Variants in GABRB3 observed in about 807,000 individuals in gnomAD.
GABRB3 encodes gamma-aminobutyric acid type A receptor subunit beta3.
A neutral mutation model predicts 52.1 loss-of-function variants in GABRB3; 14 were observed. That is an observed-to-expected ratio of 0.27 (90% CI 0.18 to 0.42). The LOEUF (loss-of-function observed/expected upper bound fraction) is 0.42, where lower values mean the gene tolerates loss of function less well. Among genes scored for constraint, GABRB3 ranks in the 10% least tolerant of loss-of-function variants. The probability of loss-of-function intolerance (pLI) is 1.00; values close to 1 mark genes in which losing one functional copy is unlikely to be tolerated. For synonymous variants in GABRB3, 260 were observed against 232.3 expected, an observed-to-expected ratio of 1.12 and a Z score of -1.08; for missense variants, 307 against 609.1, an observed-to-expected ratio of 0.50 and a Z score of 5.22.
chr15:26,699,176 T>G (rs1595537279), intron 3 of GABRB3, among the ~76,000 whole-genome samples: 2 of 152,246 alleles, frequency 1.3e-5, no homozygotes, highest in East Asian at 3.9e-4. Flanking sequence ...CAGTATCTGT[T>G]CCCACAGAGC....
chr15:26,691,062 C>T (rs543463605), intron 3 of GABRB3, among the ~76,000 whole-genome samples: 1 of 151,720 alleles, frequency 6.6e-6, no homozygotes, highest in South Asian at 2.1e-4. Context: ...CCCTCCTCTC[C>T]CTCCCCTTCT....
At chr15:26,640,965 G>A (rs776969940) in intron 3 of GABRB3, among the ~76,000 whole-genome samples, 7 of 152,166 alleles carry the variant, frequency 4.6e-5, no homozygotes, top group South Asian at 2.1e-4. Flanking sequence ...CTTGCTTTAC[G>A]TTCACCTTTA....
chr15:26,680,497 T>TAACAGTCAAGTTCTATTGGTGC (rs1888205837), intron 3 of GABRB3, among the ~76,000 whole-genome samples: 1 of 152,218 alleles, frequency 6.6e-6, no homozygotes, highest in Non-Finnish European at 1.5e-5. Context: ...CTTCTTGGTG[T>TAACAGTCAAGTTCTATTGGTGC]AACAGTCAAG....
intron 3 of GABRB3, chr15:26,657,055 T>G (rs1211126829): frequency 6.6e-6 from 1 of 152,220 alleles, no homozygotes; most frequent in Non-Finnish European, 1.5e-5. Flanking sequence ...GTCTTTATTA[T>G]GTTCTTAACC....
rs191112614 is a variant in GABRB3, at chr15:26,642,346, T to C, written c.241-20812A>G. 411 of 441,258 alleles carry C rather than the reference T, an allele frequency of 9.3e-4. 1 individual carries two copies. The highest frequency in any genetic ancestry group is 7.6e-3 in the African/African-American group (369 of 48,582). The allele number at this position is 441,258 out of a possible 1,614,324, so 27.3% of individuals were successfully genotyped here. On this transcript the variant is annotated intron_variant, in intron 3 of 8. Transcript: ENST00000311550. ...TATGGGACTTGAATATGTGTGGATT[T>C]TGGTGTACTTGGAGGTATGGGGGTG... is the stretch of plus-strand genomic sequence containing the variant.
intron 3 of GABRB3, among the ~76,000 whole-genome samples, chr15:26,768,973 A>G (rs547547254): frequency 5.3e-5 from 8 of 152,328 alleles, no homozygotes; most frequent in Non-Finnish European, 1.2e-4. Context: ...GAATGATGAG[A>G]TATGCATTTA....
At chr15:26,665,502 A>G (rs1887682500) in intron 3 of GABRB3, among the ~76,000 whole-genome samples, 1 of 152,274 alleles carries the variant, frequency 6.6e-6, no homozygotes, top group Non-Finnish European at 1.5e-5. Context: ...CAGTAATAAT[A>G]GCAAATTAAC....
intron 3 of GABRB3, among the ~76,000 whole-genome samples, chr15:26,670,823 TTCCAAAGACC>T (rs1463121250): frequency 2.0e-5 from 3 of 152,258 alleles, no homozygotes; most frequent in African/African-American, 4.8e-5. Context: ...CCCTTGCCTT[TTCCAAAGACC>T]ATTCATAGCT....
At chr15:26,718,156 C>T (rs571017106) in intron 3 of GABRB3, among the ~76,000 whole-genome samples, 10 of 152,314 alleles carry the variant, frequency 6.6e-5, no homozygotes, top group African/African-American at 2.2e-4. Flanking sequence ...AGTCAAAGGC[C>T]AGAATTGGCA....
At chr15:26,704,217 C>G (rs934687712) in intron 3 of GABRB3, among the ~76,000 whole-genome samples, 10 of 152,222 alleles carry the variant, frequency 6.6e-5, no homozygotes, top group Non-Finnish European at 1.0e-4. Flanking sequence ...CCTGCTTCAG[C>G]AACAGCCAGG....
chr15:26,754,996 C>A lies in GABRB3; in HGVS notation c.240+17406G>T, dbSNP rs1053070662. ...AACTCCAGATAAAAATGGTTAGAGC[C>A]TCTAACAACTTTTTTTTTTTTTTTT... On this transcript the variant is annotated intron_variant, in intron 3 of 8. Transcript: ENST00000311550. Among the ~76,000 whole-genome samples, 6 of 141,864 alleles carry A rather than the reference C, an allele frequency of 4.2e-5. No individual in the cohort carries two copies. In the East Asian group the frequency reaches 1.3e-3, roughly 31 times the overall value. The allele number at this position is 141,864 out of a possible 152,430, so 93.1% of individuals were successfully genotyped here. A position where few individuals can be genotyped will look rare whatever the true frequency, so the allele number is the denominator to read the frequency against.
chr15:26,773,225 T>G, upstream of GABRB3: 1 of 172,716 alleles, frequency 5.8e-6, no homozygotes, highest in East Asian at 1.8e-4. Context: ...CACCCTGCCC[T>G]CCCCCACGCT....
chr15:26,591,934 T>C (rs1319576562), intron 4 of GABRB3, among the ~76,000 whole-genome samples: 3 of 151,978 alleles, frequency 2.0e-5, no homozygotes, highest in Admixed American at 2.0e-4. Flanking sequence ...GGCTGGTAGC[T>C]ACTGTACTAT....
intron 6 of GABRB3, among the ~76,000 whole-genome samples, chr15:26,578,521 C>T (rs538019827): frequency 6.6e-6 from 1 of 152,316 alleles, no homozygotes; most frequent in South Asian, 2.1e-4. Context: ...GGGGATTGCA[C>T]CTGGAGGAAG....
intron 3 of GABRB3, among the ~76,000 whole-genome samples, chr15:26,655,706 C>T (rs1016390680): frequency 1.3e-5 from 2 of 150,500 alleles, no homozygotes; most frequent in Non-Finnish European, 3.0e-5. Context: ...CGTGCCACTG[C>T]ACTCCAGCCT....
chr15:26,714,001 CAG>C (rs1170863987), intron 3 of GABRB3, among the ~76,000 whole-genome samples: 1 of 152,196 alleles, frequency 6.6e-6, no homozygotes, highest in Admixed American at 6.5e-5. Context: ...ACCACTCTGG[CAG>C]AGACTCTGAC....
intron 3 of GABRB3, among the ~76,000 whole-genome samples, chr15:26,740,409 A>C (rs1221646140): frequency 6.6e-6 from 1 of 152,000 alleles, no homozygotes; most frequent in Non-Finnish European, 1.5e-5. Flanking sequence ...CAAGGATCAA[A>C]GGATACCGCC....
intron 4 of GABRB3, among the ~76,000 whole-genome samples, chr15:26,608,865 C>T (rs1891942561): frequency 6.6e-6 from 1 of 151,996 alleles, no homozygotes; most frequent in South Asian, 2.1e-4. Flanking sequence ...CAAATTAGTG[C>T]AGTCATTATG....
At chr15:26,653,207 T>C (rs928416328) in intron 3 of GABRB3, among the ~76,000 whole-genome samples, 1 of 152,190 alleles carries the variant, frequency 6.6e-6, no homozygotes, top group African/African-American at 2.4e-5. Context: ...TTTGTAAAAC[T>C]AACAAATTCA....
Sources: gnomAD v4.1 joint callset for allele counts (sites outside exome capture counted in the v4.1 genomes callset) on GRCh38, gnomAD v4.1.1 for gene constraint, MANE v1.5 for transcripts, NCBI Gene and HGNC (gene_info 2026-07-23, HGNC 2026-07-21) for gene names.